Variants in FGF14 observed in about 807,000 individuals in gnomAD.
The protein encoded by FGF14 is fibroblast growth factor homologous factor 4.
Under a neutral mutation model 25.5 loss-of-function variants are expected in FGF14, and 5 were observed. That is an observed-to-expected ratio of 0.20 (90% CI 0.10 to 0.41). FGF14 has a LOEUF of 0.41. Ranked by LOEUF, FGF14 falls within the 10% of genes least tolerant of loss-of-function variation. The pLI, the probability that FGF14 is intolerant of heterozygous loss-of-function variation, is 1.00. For synonymous variants in FGF14, 138 were observed against 118.3 expected (o/e 1.17, Z -1.08); for missense variants, 222 against 320.1 (o/e 0.69, Z 2.34).
intron 1 of FGF14, among the ~76,000 whole-genome samples, chr13:102,221,226 T>C (rs1055875892): frequency 1.3e-5 from 2 of 152,134 alleles, no homozygotes; most frequent in South Asian, 2.1e-4. Context: ...ACAACTCTTA[T>C]CAAAAGAGAA....
At chr13:101,980,459 A>G (rs2038181215) in intron 1 of FGF14, among the ~76,000 whole-genome samples, 1 of 152,218 alleles carries the variant, frequency 6.6e-6, no homozygotes, top group African/African-American at 2.4e-5. Flanking sequence ...TGTAAATGAT[A>G]AAAATGATAA....
chr13:102,379,275 T>C (rs987896713), intron 1 of FGF14, among the ~76,000 whole-genome samples: 8 of 152,160 alleles, frequency 5.3e-5, no homozygotes, highest in African/African-American at 1.9e-4. Context: ...AATATTACTC[T>C]AACTACATTC....
At chr13:101,820,252 AAC>A (rs1491267418) in intron 3 of FGF14, among the ~76,000 whole-genome samples, 3 of 152,204 alleles carry the variant, frequency 2.0e-5, no homozygotes, top group African/African-American at 7.2e-5. Context: ...AAGAAAAAAA[AAC>A]AGTTTTTCAG....
chr13:102,331,965 C>T (rs369436606), intron 1 of FGF14, among the ~76,000 whole-genome samples: 2 of 152,114 alleles, frequency 1.3e-5, no homozygotes, highest in East Asian at 1.9e-4. Context: ...TAGCAATCAG[C>T]GCAGCACCCA....
chr13:101,898,125 C>T (rs919001743), intron 1 of FGF14, among the ~76,000 whole-genome samples: 3 of 152,022 alleles, frequency 2.0e-5, no homozygotes, highest in Admixed American at 1.3e-4. Flanking sequence ...GAACTCCTGA[C>T]CTCAAGTGAT....
chr13:102,120,273 A>G (rs1213535208), intron 1 of FGF14, among the ~76,000 whole-genome samples: 1 of 152,240 alleles, frequency 6.6e-6, no homozygotes, highest in East Asian at 1.9e-4. Context: ...CAAAGCCGTA[A>G]ACAACTCAAT....
chr13:102,018,099 A>T (rs2040440862), intron 1 of FGF14, among the ~76,000 whole-genome samples: 2 of 152,066 alleles, frequency 1.3e-5, no homozygotes, highest in Admixed American at 6.6e-5. Flanking sequence ...CTGTTTTCTT[A>T]AAAAGTTTGG....
chr13:101,723,564 TCATTTCCTA>T (rs1184105302), intron 4 of FGF14, among the ~76,000 whole-genome samples: 2 of 152,088 alleles, frequency 1.3e-5, no homozygotes, highest in African/African-American at 4.8e-5. Context: ...ATTTCAATGT[TCATTTCCTA>T]CAATCATGGA....
intron 3 of FGF14, among the ~76,000 whole-genome samples, chr13:101,842,593 A>G (rs1425119355): frequency 2.0e-5 from 3 of 151,996 alleles, no homozygotes; most frequent in Admixed American, 6.6e-5. Context: ...CTACTCTGAG[A>G]AAACAAAAGG....
At chr13:101,816,575 T>G (rs2041860635) in intron 3 of FGF14, among the ~76,000 whole-genome samples, 1 of 152,140 alleles carries the variant, frequency 6.6e-6, no homozygotes, top group Admixed American at 6.5e-5. Flanking sequence ...TTATACATCT[T>G]AAGCAGTAAT....
At chr13:102,127,505 G>C (rs2045998373) in intron 1 of FGF14, among the ~76,000 whole-genome samples, 2 of 152,256 alleles carry the variant, frequency 1.3e-5, no homozygotes, top group South Asian at 4.1e-4. Flanking sequence ...TATTCTGTAA[G>C]AGTTATCTAT....
intron 1 of FGF14, among the ~76,000 whole-genome samples, chr13:102,364,941 T>A (rs1298105899): frequency 6.6e-6 from 1 of 152,230 alleles, no homozygotes; most frequent in African/African-American, 2.4e-5. Flanking sequence ...CAGTCTGACC[T>A]GTTTCCCTAA....
chr13:102,256,650 AT>A (rs2141095399), intron 1 of FGF14, among the ~76,000 whole-genome samples: 1 of 152,356 alleles, frequency 6.6e-6, no homozygotes, highest in South Asian at 2.1e-4. Context: ...AATTTCCCAC[AT>A]TTTAAGCAGA....
chr13:102,142,424 A>G (rs542947425), intron 1 of FGF14, among the ~76,000 whole-genome samples: 17 of 152,224 alleles, frequency 1.1e-4, no homozygotes, highest in Admixed American at 3.9e-4. Flanking sequence ...AAAAAACCCA[A>G]CTTCTCCAGA....
chr13:101,807,853 T>A (rs2041285759), intron 3 of FGF14, among the ~76,000 whole-genome samples: 1 of 152,074 alleles, frequency 6.6e-6, no homozygotes, highest in Non-Finnish European at 1.5e-5. Context: ...TAATAACTTC[T>A]ATAATAACAT....
intron 1 of FGF14, among the ~76,000 whole-genome samples, chr13:102,104,095 C>T (rs1445130363): frequency 1.3e-5 from 2 of 152,198 alleles, no homozygotes; most frequent in Non-Finnish European, 2.9e-5. Flanking sequence ...CATTTATCTT[C>T]AGTAACCCCG....
chr13:101,827,542 A>C (rs566576116), intron 3 of FGF14, among the ~76,000 whole-genome samples: 18 of 152,010 alleles, frequency 1.2e-4, no homozygotes, highest in African/African-American at 4.3e-4. Flanking sequence ...TTCAAGAAAG[A>C]GTAAGGCTAT....
rs140237715 is a variant in FGF14, at chr13:102,181,610, A to G, written c.208+219861T>C. Among the ~76,000 whole-genome samples the G allele has an allele frequency of 1.2e-4, 19 of 152,292 alleles. No homozygotes were observed. The East Asian group carries it at 3.3e-3, about 26-fold the overall frequency. Reference sequence around the variant, plus strand: ...AGGCAATGCAGCTGCAAATCAGAAAATGCTAAGGATTGATGGGCATAGCTC... The same window carrying G: ...AGGCAATGCAGCTGCAAATCAGAAAGTGCTAAGGATTGATGGGCATAGCTC... On this transcript the variant is annotated intron_variant, in intron 1 of 4. Transcript: ENST00000376131.
At chr13:101,858,279 G>A (rs1335642667) in intron 3 of FGF14, among the ~76,000 whole-genome samples, 1 of 150,490 alleles carries the variant, frequency 6.6e-6, no homozygotes, top group East Asian at 2.0e-4. Context: ...GGTATATTGA[G>A]ATTTCAGTCA....
Sources: gnomAD v4.1 joint callset for allele counts (sites outside exome capture counted in the v4.1 genomes callset) on GRCh38, gnomAD v4.1.1 for gene constraint, MANE v1.5 for transcripts, NCBI Gene and HGNC (gene_info 2026-07-23, HGNC 2026-07-21) for gene names.